Variants in QPCT observed in about 807,000 individuals in gnomAD.
QPCT encodes glutaminyl-peptide cyclotransferase.
QPCT carries 44 observed loss-of-function variants against 43.4 expected under a neutral mutation model. That is an observed-to-expected ratio of 1.01 (90% CI 0.80 to 1.30). The LOEUF (loss-of-function observed/expected upper bound fraction) is 1.30. Among genes scored for constraint, QPCT ranks in the 50% most tolerant of loss-of-function variants. The pLI, the probability that QPCT is intolerant of heterozygous loss-of-function variation, is 0.00. For missense variants in QPCT, 526 were observed against 436.5 expected (o/e 1.21, Z -1.83); for synonymous variants, 168 against 168.4 (o/e 1.00, Z 0.02).
intron 1 of QPCT, among the ~76,000 whole-genome samples, chr2:37,345,950 ATAT>A (rs1672478625): frequency 6.6e-6 from 1 of 152,216 alleles, no homozygotes; most frequent in Non-Finnish European, 1.5e-5. Flanking sequence ...GATTGTGCAA[ATAT>A]TAATGATGTC....
At chr2:37,351,229 A>G (rs1672614379) in intron 1 of QPCT, among the ~76,000 whole-genome samples, 1 of 152,216 alleles carries the variant, frequency 6.6e-6, no homozygotes, top group African/African-American at 2.4e-5. Context: ...GGCCTCTCCT[A>G]ATTTCTGTTT....
At chr2:37,371,373 G>A (rs1673069225) in intron 5 of QPCT, among the ~76,000 whole-genome samples, 1 of 138,964 alleles carries the variant, frequency 7.2e-6, no homozygotes, top group Non-Finnish European at 1.5e-5. Flanking sequence ...ATAAGAGAAA[G>A]CAGTGAGCTG....
intron 5 of QPCT, among the ~76,000 whole-genome samples, chr2:37,370,200 A>G (rs1278783133): frequency 1.3e-5 from 2 of 152,130 alleles, no homozygotes; most frequent in Non-Finnish European, 2.9e-5. Flanking sequence ...AGAAAAAAAA[A>G]TTATAATTTA....
chr2:37,346,129 C>T (rs1175448412), intron 1 of QPCT, among the ~76,000 whole-genome samples: 1 of 151,776 alleles, frequency 6.6e-6, no homozygotes, highest in African/African-American at 2.4e-5. Context: ...TCCCACCCAG[C>T]TACATGCATA....
At chr2:37,347,367 G>A (rs1375130558) in intron 1 of QPCT, among the ~76,000 whole-genome samples, 1 of 150,092 alleles carries the variant, frequency 6.7e-6, no homozygotes, top group African/African-American at 2.5e-5. Flanking sequence ...GAACTGAAGA[G>A]CTAGGGTTTG....
At chr2:37,366,208 G>C (rs1295270970) in intron 3 of QPCT, among the ~76,000 whole-genome samples, 1 of 152,150 alleles carries the variant, frequency 6.6e-6, no homozygotes, top group East Asian at 1.9e-4. Context: ...AGAGTACCAG[G>C]ACCAATCTGA....
At chr2:37,353,012 TTC>T in intron 2 of QPCT, 77 bp downstream of exon 2, 1 of 1,490,862 alleles carries the variant, frequency 6.7e-7, no homozygotes, top group East Asian at 2.3e-5. Context: ...ATGGCTGAAG[TTC>T]TGAGGTGTCT....
rs45525938 is a variant in QPCT, at chr2:37,372,955, T to C, written c.*128T>C. ...TATCCTATAGATCATCCTATTCTTA[T>C]GTGTCTTTGGTTATCAGATCAATTA... On this transcript the variant is annotated 3_prime_UTR_variant, in exon 7 of 7. Transcript: ENST00000338415. 3.2e-4 allele frequency: 249 copies of C among 780,496 alleles called. 3 individuals carry two copies. In the East Asian group the frequency reaches 6.2e-3, roughly 19 times the overall value. The allele number at this position is 780,496 out of a possible 1,614,324, so 48.3% of individuals were successfully genotyped here.
intron 3 of QPCT, among the ~76,000 whole-genome samples, chr2:37,361,940 G>C (rs1291379630): frequency 6.6e-6 from 1 of 152,172 alleles, no homozygotes; most frequent in Non-Finnish European, 1.5e-5. Flanking sequence ...AAGGTACTAG[G>C]CTGAGTTACT....
Position 37,371,349 on chromosome 2 carries a change from A to G in QPCT, c.824-1007A>G, listed in dbSNP as rs1673068654. 1.3e-5 allele frequency among the ~76,000 whole-genome samples: 2 copies of G among 148,224 alleles called. 1 individual carries two copies. The highest frequency in any genetic ancestry group is 4.3e-4 in the South Asian group (2 of 4,694). ...CCTATTGGTATTTACATTTCAAACC[A>G]TATCTCTAGTTGTATAAGAGAAAGC... On this transcript the variant is annotated intron_variant, in intron 5 of 6. Coordinates refer to ENST00000338415, the MANE Select transcript of QPCT (RefSeq NM_012413.4).
chr2:37,368,889 T>C (rs1673017985), intron 4 of QPCT, among the ~76,000 whole-genome samples: 1 of 152,228 alleles, frequency 6.6e-6, no homozygotes, highest in South Asian at 2.1e-4. Context: ...CTTGTGAATA[T>C]GTTCCTATTT....
chr2:37,365,174 CAGAGA>C (rs1330257702), intron 3 of QPCT, among the ~76,000 whole-genome samples: 1 of 151,602 alleles, frequency 6.6e-6, no homozygotes, highest in African/African-American at 2.4e-5. Context: ...TGAGTGTGGA[CAGAGA>C]AGAGAAGAGA....
chr2:37,352,395 C>G (rs1419400748), intron 1 of QPCT, among the ~76,000 whole-genome samples: 1 of 152,220 alleles, frequency 6.6e-6, no homozygotes, highest in Non-Finnish European at 1.5e-5. Flanking sequence ...AGTAACACAG[C>G]TCACTGCAAC....
At position 37,367,378 on chromosome 2, in the gene QPCT, A is replaced by AT. The variant is rs770154671; in HGVS notation, c.693_694insT (p.Ala232CysfsTer44). On this transcript the variant is annotated frameshift_variant, in exon 4 of 7. Transcript: ENST00000338415. LOFTEE classifies it high-confidence loss of function. ...TGGCATCGACCCCGCACCCACCTGG[A>AT]GCGAGAGGCACCAGCCAACTGCATG... is the stretch of plus-strand genomic sequence containing the variant. 1.9e-6 allele frequency: 3 copies of AT among 1,613,820 alleles called. No homozygotes were observed. In the East Asian group the frequency reaches 6.7e-5, roughly 36 times the overall value.
chr2:37,368,475 G>A (rs1673008204), intron 4 of QPCT: 3 of 409,346 alleles, frequency 7.3e-6, no homozygotes, highest in Non-Finnish European at 1.5e-5. Context: ...CACCCCATCT[G>A]TGAACTGATA....
Position 37,344,688 on chromosome 2 carries a change from C to T in QPCT, c.-44C>T, listed in dbSNP as rs1458435515. The T allele has an allele frequency of 6.4e-7, 1 of 1,565,556 alleles. No individual in the cohort carries two copies. On this transcript the variant is annotated 5_prime_UTR_variant, in exon 1 of 7. Transcript: ENST00000338415. ...AGGACGCGCGTTCCCGGGCTCGTGA[C>T]CGCCAGCGGCCCGGGGAACCCGCTC...
chr2:37,366,438 A>G (rs1672962899), intron 3 of QPCT, among the ~76,000 whole-genome samples: 1 of 152,082 alleles, frequency 6.6e-6, no homozygotes, highest in South Asian at 2.1e-4. Context: ...TCTCTCCCCA[A>G]CCCAACTAAA....
At chr2:37,353,166 C>T (rs549801891) in intron 2 of QPCT, among the ~76,000 whole-genome samples, 64 of 152,322 alleles carry the variant, frequency 4.2e-4, no homozygotes, top group Admixed American at 4.1e-3. Flanking sequence ...TGGGGTACAA[C>T]ATTACACAGT....
At chr2:37,365,769 C>T (rs1338861643) in intron 3 of QPCT, among the ~76,000 whole-genome samples, 5 of 152,068 alleles carry the variant, frequency 3.3e-5, no homozygotes, top group East Asian at 3.8e-4. Context: ...TCAAGGTCAT[C>T]GGTTGGGAAT....
Sources: allele counts gnomAD v4.1 joint callset (sites outside exome capture counted in the v4.1 genomes callset), GRCh38; gene constraint gnomAD v4.1.1; transcripts MANE v1.5; gene names NCBI Gene and HGNC (gene_info 2026-07-23, HGNC 2026-07-21).